ATAD2: variants seen among roughly 807,000 people sequenced by gnomAD.
The protein encoded by ATAD2 is ATPase family AAA domain-containing protein 2.
In ATAD2, 62 loss-of-function variants were observed where a neutral mutation model predicts 168.9. The observed-to-expected ratio is 0.37, with a 90% CI of 0.30 to 0.45. The LOEUF (loss-of-function observed/expected upper bound fraction) is 0.45. ATAD2 is among the 20% of genes least tolerant of loss of function. The pLI, the probability that ATAD2 is intolerant of heterozygous loss-of-function variation, is 1.00. For missense variants in ATAD2, 1,419 were observed against 1,667.8 expected (o/e 0.85, Z 2.60); for synonymous variants, 613 against 571.6 (o/e 1.07, Z -1.03).
Position 123,339,389 on chromosome 8 carries a change from T to C in ATAD2, c.2776A>G (p.Lys926Glu), listed in dbSNP as rs1828005018. The C allele has an allele frequency of 6.2e-7, 1 of 1,603,246 alleles. No individual in the cohort carries two copies. Among genetic ancestry groups the C allele is most frequent in the East Asian group, 2.2e-5 (1 of 44,776 alleles). Residue 926 changes from lysine (K) to glutamate (E), a missense_variant, in exon 20 of 28, where the codon AAA (lysine) becomes GAA (glutamate). By Grantham distance (56) the Lys-to-Glu change is moderately conservative. Coordinates refer to ENST00000287394, the MANE Select transcript of ATAD2 (RefSeq NM_014109.4). ...GEIFNVQLPD[K>E]EERTKFFEDL... ...TCAAAAAATTTTGTCCGTTCTTCTT[T>C]ATCCGGTAACTGGACATTAAAAATC...
upstream of ATAD2, among the ~76,000 whole-genome samples, chr8:123,398,357 A>C (rs1466849059): frequency 1.3e-5 from 2 of 150,442 alleles, no homozygotes; most frequent in African/African-American, 4.9e-5. Context: ...AAGCCTCCAG[A>C]GTAGCTGGTA....
chr8:123,400,857 C>T, upstream of ATAD2: 6 of 1,384,468 alleles, frequency 4.3e-6, no homozygotes, highest in South Asian at 6.9e-5. This position sits in a 1 kb window ranked among gnomAD's most constrained non-coding sequence, Gnocchi z 4.5. Context: ...TTCACCACAA[C>T]TGCACCCCAG....
At chr8:123,339,889 TTTG>T (rs939949198) in intron 19 of ATAD2, among the ~76,000 whole-genome samples, 31 of 151,976 alleles carry the variant, frequency 2.0e-4, no homozygotes, top group African/African-American at 7.0e-4. Context: ...TTTTACTTTT[TTTG>T]TTTTCTTTTT....
intron 14 of ATAD2, among the ~76,000 whole-genome samples, chr8:123,348,643 C>T (rs963770717): frequency 6.6e-6 from 1 of 152,148 alleles, no homozygotes; most frequent in African/African-American, 2.4e-5. Context: ...TGCCACTGCA[C>T]CCCAGCCTGG....
intron 4 of ATAD2, 98 bp from the exon 5 acceptor site, chr8:123,371,436 G>C: frequency 2.0e-6 from 2 of 982,672 alleles, no homozygotes; most frequent in Non-Finnish European, 2.9e-6. Flanking sequence ...TGGCACTAAG[G>C]TTTTAAATAT....
chr8:123,326,539 A>G (rs1462894138), intron 25 of ATAD2, among the ~76,000 whole-genome samples: 2 of 151,976 alleles, frequency 1.3e-5, no homozygotes, highest in South Asian at 2.1e-4. Flanking sequence ...TTAGCTGCGC[A>G]TGGTGGTACA....
At chr8:123,344,459 C>G (rs1301680418) in intron 19 of ATAD2, 1 of 160,578 alleles carries the variant, frequency 6.2e-6, no homozygotes, top group Non-Finnish European at 1.3e-5. Context: ...CATTCTCCTG[C>G]TTCAGTCTCC....
chr8:123,324,027 G>A (rs373750351), intron 26 of ATAD2, among the ~76,000 whole-genome samples: 1 of 152,034 alleles, frequency 6.6e-6, no homozygotes, highest in South Asian at 2.1e-4. Context: ...ACATAACACG[G>A]TGAACTTACA....
At chr8:123,365,118 C>T (rs1828935088) in intron 8 of ATAD2, among the ~76,000 whole-genome samples, 1 of 152,094 alleles carries the variant, frequency 6.6e-6, no homozygotes, top group Non-Finnish European at 1.5e-5. Flanking sequence ...AGCAGTAGGT[C>T]TACTATATAC....
chr8:123,376,719 C>T (rs1829327221), intron 2 of ATAD2, among the ~76,000 whole-genome samples: 2 of 152,008 alleles, frequency 1.3e-5, no homozygotes, highest in Admixed American at 6.6e-5. Context: ...CTTTGGGAGG[C>T]TGAGGCAGGG....
rs905171792 is a variant in ATAD2 at position 123,402,728 on chromosome 8, T to C, written c.-2281-1553A>G. Reference sequence around the variant, plus strand: ...ATTCCTGCCCTCTCCTCAGCTGTAGTTGAAGGCTTTAACTTTGCACACTTT... The same window carrying C: ...ATTCCTGCCCTCTCCTCAGCTGTAGCTGAAGGCTTTAACTTTGCACACTTT... On this transcript the variant is annotated intron_variant, in intron 1 of 28. Transcript: ENST00000521903. The surrounding 1 kb of genome is among the most constrained non-coding windows in gnomAD (Gnocchi z 4.8). Among the ~76,000 whole-genome samples the C allele has an allele frequency of 6.6e-6, 1 of 152,134 alleles. No homozygotes were observed. The highest frequency in any genetic ancestry group is 2.1e-4 in the South Asian group (1 of 4,828).
chr8:123,370,812 T>A, intron 6 of ATAD2, 91 bp downstream of exon 6: 1 of 883,674 alleles, frequency 1.1e-6, no homozygotes, highest in East Asian at 2.8e-5. Context: ...CTACCATAAA[T>A]GTCACACCTT....
chr8:123,366,475 A>T (rs997745431), intron 8 of ATAD2, among the ~76,000 whole-genome samples: 1 of 152,248 alleles, frequency 6.6e-6, no homozygotes, highest in Non-Finnish European at 1.5e-5. Context: ...TGTTTATAGC[A>T]GCACAATTCG....
chr8:123,408,763 C>T (rs368031994), intron 1 of ATAD2, among the ~76,000 whole-genome samples: 7 of 152,068 alleles, frequency 4.6e-5, no homozygotes, highest in South Asian at 2.1e-4. Context: ...GTGATTCACT[C>T]GCCTCGGCCT....
In ATAD2 at chr8:123,334,187, A is replaced by G. The variant is rs758195045; in HGVS notation, c.3334+13T>C. The G allele has an allele frequency of 1.3e-6, 2 of 1,570,622 alleles. No individual in the cohort carries two copies. The highest frequency in any genetic ancestry group is 2.0e-5 in the Admixed American group (1 of 48,996). ...TATTAGGTTGGTACAAATCAACCAA[A>G]TCACTTTCCTACCTCTTTTCTTTCT... On this transcript the variant is annotated intron_variant, in intron 23 of 27. Transcript: ENST00000287394.
Position 123,346,131 on chromosome 8 carries a change from A to G in ATAD2, c.2487T>C (p.Val829=). The stretch of plus-strand genomic sequence containing the variant: ...GGGATGTAGTACTAACTCCAAAAAG[A>G]ACAGGAATGTCTAATGTATATACAG... ...KFTVYTLDIP[V]LFGVSTTSPE... The change falls in exon 18 of 28, where the codon GTT becomes GTC. Residue 829 remains valine, a synonymous_variant. Transcript: ENST00000287394. 6.3e-7 allele frequency: 1 copy of G among 1,599,724 alleles called. No homozygotes were observed. Among genetic ancestry groups the G allele is most frequent in the Non-Finnish European group, 8.5e-7 (1 of 1,174,788 alleles).
chr8:123,346,481 T>C, intron 17 of ATAD2, 137 bp downstream of exon 17: 2 of 1,065,216 alleles, frequency 1.9e-6, no homozygotes, highest in East Asian at 2.8e-5. Flanking sequence ...GTGACAACTG[T>C]AACAACAAAA....
chr8:123,372,334 T>C (rs1829173453), intron 3 of ATAD2, among the ~76,000 whole-genome samples: 2 of 152,170 alleles, frequency 1.3e-5, no homozygotes, highest in Non-Finnish European at 2.9e-5. Context: ...CTAAAATGAA[T>C]GGTCACGGCT....
intron 22 of ATAD2, among the ~76,000 whole-genome samples, chr8:123,334,695 T>TAG (rs766492167): frequency 3.7e-4 from 56 of 152,344 alleles, no homozygotes; most frequent in Non-Finnish European, 7.1e-4. Context: ...AAGAGATTTA[T>TAG]AGAGGTTGTT....
Sources: allele counts gnomAD v4.1 joint callset (sites outside exome capture counted in the v4.1 genomes callset), GRCh38; gene constraint gnomAD v4.1.1; non-coding constraint Gnocchi (gnomAD v3.1); transcripts MANE v1.5; gene names NCBI Gene and HGNC (gene_info 2026-07-23, HGNC 2026-07-21).